The following ARPP21 variants were observed in gnomAD, a reference collection of about 807,000 sequenced individuals.
ARPP21 encodes the protein cAMP-regulated phosphoprotein 21.
ARPP21 carries 69 observed loss-of-function variants against 113.2 expected under a neutral mutation model. The observed-to-expected ratio is 0.61, with a 90% CI of 0.50 to 0.74. The LOEUF is 0.74. ARPP21 is among the 30% of genes least tolerant of loss of function. The probability of loss-of-function intolerance (pLI) is 0.00; values close to 1 mark genes in which losing one functional copy is unlikely to be tolerated. For missense variants in ARPP21, 1,070 were observed against 1,037.4 expected (o/e 1.03, Z -0.43); for synonymous variants, 368 against 375.5 (o/e 0.98, Z 0.23).
At chr3:35,747,626 C>A (rs940039545) in intron 19 of ARPP21, among the ~76,000 whole-genome samples, 2 of 152,002 alleles carry the variant, frequency 1.3e-5, no homozygotes, top group East Asian at 3.9e-4. Context: ...GATAGGTGCA[C>A]GGCCTCATTA....
chr3:35,645,888 T>C (rs932574386), intron 1 of ARPP21, among the ~76,000 whole-genome samples: 8 of 152,000 alleles, frequency 5.3e-5, no homozygotes, highest in African/African-American at 1.9e-4. Context: ...TTTATCCATG[T>C]TGATATATTT....
At chr3:35,747,379 G>T (rs949089333) in intron 19 of ARPP21, among the ~76,000 whole-genome samples, 2 of 111,380 alleles carry the variant, frequency 1.8e-5, no homozygotes, top group Non-Finnish European at 3.9e-5. Context: ...AAAAAAAAAA[G>T]AACACTAATG....
At chr3:35,664,054 G>T (rs1027015080) in intron 1 of ARPP21, among the ~76,000 whole-genome samples, 1 of 152,190 alleles carries the variant, frequency 6.6e-6, no homozygotes, top group Non-Finnish European at 1.5e-5. Flanking sequence ...CAAAATTTCT[G>T]TTTAAGAAAG....
intron 12 of ARPP21, among the ~76,000 whole-genome samples, chr3:35,716,211 A>G (rs1229429100): frequency 1.3e-5 from 2 of 152,148 alleles, no homozygotes; most frequent in African/African-American, 4.8e-5. Flanking sequence ...AGGAATCCAA[A>G]TTAACTGCAC....
intron 13 of ARPP21, among the ~76,000 whole-genome samples, chr3:35,720,417 T>C (rs2092939194): frequency 6.6e-6 from 1 of 152,252 alleles, no homozygotes; most frequent in African/African-American, 2.4e-5. Flanking sequence ...CGGTGAGTAT[T>C]TCAATCACAT....
chr3:35,723,716 C>T (rs997273097), intron 14 of ARPP21, among the ~76,000 whole-genome samples: 1 of 152,186 alleles, frequency 6.6e-6, no homozygotes, highest in African/African-American at 2.4e-5. Context: ...CAAAGCAAAG[C>T]TCTTTGGAAA....
At position 35,716,407 on chromosome 3, in the gene ARPP21, T is replaced by C. The variant is rs142144804; in HGVS notation, c.936-891T>C. 3.6e-3 allele frequency among the ~76,000 whole-genome samples: 544 copies of C among 152,162 alleles called. 3 individuals are homozygous for C. The highest frequency in any genetic ancestry group is 0.012 in the African/African-American group (504 of 41,550). On this transcript the variant is annotated intron_variant, in intron 12 of 20. Coordinates refer to ENST00000684406, the MANE Select transcript of ARPP21 (RefSeq NM_001385562.1). Reference sequence around the variant, plus strand: ...AATTTAAACTGGACATTAAAGATGATTGGCTTAAAAAATTCCATCATTCAT... The same window carrying C: ...AATTTAAACTGGACATTAAAGATGACTGGCTTAAAAAATTCCATCATTCAT...
intron 9 of ARPP21, among the ~76,000 whole-genome samples, chr3:35,702,422 A>G (rs1313292694): frequency 6.6e-6 from 1 of 151,812 alleles, no homozygotes; most frequent in East Asian, 1.9e-4. Flanking sequence ...ACAAAATGAT[A>G]TTTAAAAATT....
chr3:35,767,081 T>C (rs1354750993), intron 19 of ARPP21, among the ~76,000 whole-genome samples: 1 of 152,160 alleles, frequency 6.6e-6, no homozygotes, highest in Non-Finnish European at 1.5e-5. Context: ...CACAAATCAT[T>C]CCTGTTAGGC....
intron 1 of ARPP21, among the ~76,000 whole-genome samples, chr3:35,669,921 G>A (rs890066565): frequency 4.6e-5 from 7 of 152,082 alleles, no homozygotes; most frequent in East Asian, 1.9e-4. Context: ...CAGTTTAACC[G>A]TTTTTCTTCA....
chr3:35,746,124 T>C (rs969611177), intron 19 of ARPP21, among the ~76,000 whole-genome samples: 4 of 152,206 alleles, frequency 2.6e-5, no homozygotes, highest in African/African-American at 9.6e-5. Flanking sequence ...CTGAGACCTT[T>C]GGGCTCTTAG....
chr3:35,776,438 G>T (rs946459638), intron 19 of ARPP21, among the ~76,000 whole-genome samples: 3 of 152,142 alleles, frequency 2.0e-5, no homozygotes, highest in Non-Finnish European at 2.9e-5. Context: ...GCAGAGGAAG[G>T]GTGGGCAACA....
intron 1 of ARPP21, among the ~76,000 whole-genome samples, chr3:35,661,729 G>A (rs926388961): frequency 6.6e-6 from 1 of 152,188 alleles, no homozygotes; most frequent in Non-Finnish European, 1.5e-5. Context: ...TTCCTGGAGA[G>A]AGAATGAGGC....
At chr3:35,759,845 G>T (rs2095704167) in intron 19 of ARPP21, among the ~76,000 whole-genome samples, 1 of 151,832 alleles carries the variant, frequency 6.6e-6, no homozygotes, top group South Asian at 2.1e-4. Context: ...TTAAACTGAA[G>T]AATTAAAGAA....
chr3:35,643,669 G>T (rs773448663), intron 1 of ARPP21: 3 of 152,064 alleles, frequency 2.0e-5, no homozygotes, highest in Non-Finnish European at 4.4e-5. Flanking sequence ...ATTCTCATTA[G>T]TGTGAGGAGA....
intron 18 of ARPP21, among the ~76,000 whole-genome samples, chr3:35,743,403 G>C (rs1255483307): frequency 6.6e-6 from 1 of 152,160 alleles, no homozygotes; most frequent in East Asian, 1.9e-4. Flanking sequence ...CATATGGCTG[G>C]GGTGGCTTGA....
intron 19 of ARPP21, among the ~76,000 whole-genome samples, chr3:35,789,465 G>A (rs1314247663): frequency 6.6e-6 from 1 of 152,100 alleles, no homozygotes; most frequent in African/African-American, 2.4e-5. Flanking sequence ...ATTGAGAAAT[G>A]AATGGGATTC....
chr3:35,747,557 G>A (rs1287684708), intron 19 of ARPP21, among the ~76,000 whole-genome samples: 2 of 152,092 alleles, frequency 1.3e-5, no homozygotes, highest in Non-Finnish European at 2.9e-5. Flanking sequence ...GTGGGGAGAT[G>A]GTTTTCTTTC....
At chr3:35,650,896 A>C (rs1702118554) in intron 1 of ARPP21, among the ~76,000 whole-genome samples, 1 of 152,156 alleles carries the variant, frequency 6.6e-6, no homozygotes, top group African/African-American at 2.4e-5. Context: ...TGATCAGAGT[A>C]AAGTATAGAA....
Sources: allele counts gnomAD v4.1 joint callset (sites outside exome capture counted in the v4.1 genomes callset), GRCh38; gene constraint gnomAD v4.1.1; transcripts MANE v1.5; gene names NCBI Gene and HGNC (gene_info 2026-07-23, HGNC 2026-07-21).